DNAH7: variants seen among roughly 807,000 people sequenced by gnomAD.
DNAH7 encodes the protein axonemal beta dynein heavy chain 7.
DNAH7 carries 397 observed loss-of-function variants against 444.6 expected under a neutral mutation model. The observed-to-expected ratio is 0.89, with a 90% CI of 0.82 to 0.97. DNAH7 has a LOEUF of 0.97. Among genes scored for constraint, DNAH7 ranks in the 50% least tolerant of loss-of-function variants. The pLI is 0.00. For missense variants in DNAH7, 4,902 were observed against 4,800.8 expected (o/e 1.02, Z -0.62); for synonymous variants, 1,636 against 1,624.4 (o/e 1.01, Z -0.17).
intron 58 of DNAH7, among the ~76,000 whole-genome samples, chr2:195,786,146 TTTC>T: frequency 6.6e-6 from 1 of 152,336 alleles, no homozygotes; most frequent in East Asian, 1.9e-4. Flanking sequence ...TTTTGTTCAG[TTTC>T]TTCTTTACTT....
At chr2:196,027,093 A>C (rs962623595) in intron 6 of DNAH7, among the ~76,000 whole-genome samples, 153 bp from the exon 7 acceptor site, 1 of 152,162 alleles carries the variant, frequency 6.6e-6, no homozygotes, top group Non-Finnish European at 1.5e-5. Context: ...GTATTATTTG[A>C]GATCTCCTAA....
intron 19 of DNAH7, among the ~76,000 whole-genome samples, chr2:195,941,475 A>G (rs558381111): frequency 3.7e-4 from 55 of 149,998 alleles, no homozygotes; most frequent in Middle Eastern, 3.4e-3. Context: ...AAAAACCTAG[A>G]TGACAGGTTG....
At chr2:195,771,961 T>C in intron 60 of DNAH7, 71 bp from the exon 61 acceptor site, 1 of 1,289,002 alleles carries the variant, frequency 7.8e-7, no homozygotes. Context: ...GGAAAAATCC[T>C]AAGGTAAATC....
At chr2:195,821,632 C>A (rs554316546) in intron 49 of DNAH7, among the ~76,000 whole-genome samples, 2 of 152,028 alleles carry the variant, frequency 1.3e-5, no homozygotes, top group African/African-American at 4.8e-5. Context: ...GTTGTTTGAC[C>A]GAAGAGCAGA....
In DNAH7 at chr2:195,886,206, C is replaced by A. The variant is rs376110704; in HGVS notation, c.5473G>T (p.Asp1825Tyr). 7.9e-5 allele frequency: 127 copies of A among 1,613,854 alleles called. No homozygotes were observed. Among genetic ancestry groups the A allele is most frequent in the Admixed American group, 1.2e-4 (7 of 59,986 alleles). Reference sequence around the variant, plus strand: ...AGTTTGACTTCATCAGCAAAATCATCCATAAAACAGTCTATTAGATTCATT... The same window carrying A: ...AGTTTGACTTCATCAGCAAAATCATACATAAAACAGTCTATTAGATTCATT... ...SLMNLIDCFM[D>Y]DFADEVKLKE... The change falls in exon 34 of 65, where the codon GAT becomes TAT. Residue 1825 changes from aspartate (D) to tyrosine (Y), a missense_variant. By Grantham distance (160) the Asp-to-Tyr change is radical. Coordinates refer to ENST00000312428, the MANE Select transcript of DNAH7 (RefSeq NM_018897.3).
intron 19 of DNAH7, among the ~76,000 whole-genome samples, chr2:195,938,228 CAATAAAACATGAATA>C (rs1159672230): frequency 1.3e-5 from 2 of 151,842 alleles, no homozygotes; most frequent in Non-Finnish European, 2.9e-5. Flanking sequence ...CTTGTTTCCT[CAATAAAACATGAATA>C]TATAAATCAT....
At chr2:195,992,265 A>G (rs947220907) in intron 12 of DNAH7, among the ~76,000 whole-genome samples, 3 of 152,144 alleles carry the variant, frequency 2.0e-5, no homozygotes, top group South Asian at 2.1e-4. Flanking sequence ...CTCCACCCCA[A>G]TGCTTCCTCT....
chr2:195,934,975 T>C (rs913081705), intron 20 of DNAH7, among the ~76,000 whole-genome samples, 186 bp from the exon 21 acceptor site: 16 of 152,186 alleles, frequency 1.1e-4, no homozygotes, highest in African/African-American at 3.6e-4. Flanking sequence ...ATATAGTCCA[T>C]TGAGATGTCA....
intron 1 of DNAH7, 49 bp downstream of exon 1, chr2:196,068,648 T>A: frequency 6.5e-7 from 1 of 1,549,722 alleles, no homozygotes; most frequent in East Asian, 2.4e-5. Flanking sequence ...CCGAAACGCC[T>A]GGGAAGCGTC....
At chr2:195,759,568 A>C (rs1417954630) in intron 61 of DNAH7, among the ~76,000 whole-genome samples, 1 of 152,134 alleles carries the variant, frequency 6.6e-6, no homozygotes, top group African/African-American at 2.4e-5. Context: ...TGACTGCTAC[A>C]GTGGGGTATG....
chr2:195,742,309 A>T (rs1693092727), intron 63 of DNAH7, among the ~76,000 whole-genome samples: 1 of 152,114 alleles, frequency 6.6e-6, no homozygotes, highest in Non-Finnish European at 1.5e-5. Flanking sequence ...AAAGAAAGAG[A>T]ACCTACACAC....
At chr2:195,820,383 AG>A (rs1697403782) in intron 49 of DNAH7, among the ~76,000 whole-genome samples, 1 of 152,038 alleles carries the variant, frequency 6.6e-6, no homozygotes, top group African/African-American at 2.4e-5. Context: ...TGATAGGTGC[AG>A]AAAACCATCA....
chr2:196,002,595 G>C (rs1437300789), intron 10 of DNAH7, among the ~76,000 whole-genome samples: 1 of 152,016 alleles, frequency 6.6e-6, no homozygotes, highest in Admixed American at 6.6e-5. Context: ...ATAATTTCAG[G>C]AGTTTCCTGA....
intron 24 of DNAH7, among the ~76,000 whole-genome samples, chr2:195,921,290 G>T (rs1574775187): frequency 6.7e-6 from 1 of 150,050 alleles, no homozygotes; most frequent in Non-Finnish European, 1.5e-5. Flanking sequence ...ATTTGCACTT[G>T]CAAAAATATG....
intron 47 of DNAH7, 91 bp from the exon 48 acceptor site, chr2:195,834,451 G>C: frequency 2.2e-6 from 3 of 1,351,236 alleles, no homozygotes; most frequent in Non-Finnish European, 2.9e-6. Context: ...CTTTTTAAAA[G>C]TTTGCCCTTT....
intron 5 of DNAH7, among the ~76,000 whole-genome samples, chr2:196,045,404 G>C (rs578121888): frequency 5.0e-4 from 76 of 152,062 alleles, no homozygotes; most frequent in Non-Finnish European, 7.4e-4. Flanking sequence ...CAGAAAGAAA[G>C]AGCAAACTAC....
intron 18 of DNAH7, among the ~76,000 whole-genome samples, chr2:195,959,230 T>C (rs1412935571): frequency 6.6e-6 from 1 of 152,162 alleles, no homozygotes; most frequent in African/African-American, 2.4e-5. Context: ...CATTTTCAGA[T>C]GTCTTTCTAA....
chr2:195,751,074 A>C (rs1015520120), intron 63 of DNAH7, among the ~76,000 whole-genome samples: 4 of 152,168 alleles, frequency 2.6e-5, no homozygotes, highest in African/African-American at 9.7e-5. Flanking sequence ...ACTTAGCAGA[A>C]GGTTGTTAAA....
intron 2 of DNAH7, among the ~76,000 whole-genome samples, chr2:196,054,593 C>T (rs558676195): frequency 1.4e-4 from 22 of 152,110 alleles, no homozygotes; most frequent in South Asian, 4.2e-4. Flanking sequence ...AACCCCTCAC[C>T]CCACCCCACC....
Sources: allele counts gnomAD v4.1 joint callset (sites outside exome capture counted in the v4.1 genomes callset), GRCh38; gene constraint gnomAD v4.1.1; transcripts MANE v1.5; gene names NCBI Gene and HGNC (gene_info 2026-07-23, HGNC 2026-07-21).